The following PGM3 variants were observed in gnomAD, a reference collection of about 807,000 sequenced individuals.
PGM3 encodes phosphoglucomutase 3, also known as phosphoacetylglucosamine mutase.
PGM3 carries 40 observed loss-of-function variants against 66.2 expected under a neutral mutation model. The ratio of observed to expected loss-of-function variants is 0.60; its 90% confidence interval spans 0.47 to 0.79. The LOEUF is 0.79. Ranked by LOEUF, PGM3 falls within the 30% of genes least tolerant of loss-of-function variation. The pLI, the probability that PGM3 is intolerant of heterozygous loss-of-function variation, is 0.00. For missense variants in PGM3, 537 were observed against 643.4 expected, an observed-to-expected ratio of 0.83 and a Z score of 1.79; for synonymous variants, 191 against 224.2, an observed-to-expected ratio of 0.85 and a Z score of 1.32.
In PGM3 at chr6:83,168,590, T is replaced by A; in HGVS notation, c.*644A>T. ...CCATCAGAGGCTGGGAAACGTATTA[T>A]AATTAGTTTTTCTCCCACATACCTT... On this transcript the variant is annotated 3_prime_UTR_variant, in exon 13 of 13. Transcript: ENST00000513973. The A allele has an allele frequency of 1.0e-6, 1 of 998,004 alleles. No individual in the cohort carries two copies. The highest frequency in any genetic ancestry group is 1.2e-6 in the Non-Finnish European group (1 of 837,874). 61.8% of individuals were successfully genotyped at this position (998,004 alleles called of 1,614,324 possible).
At chr6:83,173,157 C>T (rs1787428922) in intron 10 of PGM3, among the ~76,000 whole-genome samples, 1 of 152,158 alleles carries the variant, frequency 6.6e-6, no homozygotes, top group African/African-American at 2.4e-5. Flanking sequence ...CTTCTAGTCC[C>T]ATGCATTTTG....
intron 4 of PGM3, 49 bp downstream of exon 4, chr6:83,186,959 A>G (rs773435536): frequency 4.9e-6 from 5 of 1,030,124 alleles, no homozygotes; most frequent in Admixed American, 4.6e-5. Flanking sequence ...TTTGTAAATT[A>G]AAGTTTTTTA....
At chr6:83,160,212 AGTCCAGGG>A (rs1478399273), downstream of PGM3, among the ~76,000 whole-genome samples, 2 of 152,312 alleles carry the variant, frequency 1.3e-5, no homozygotes, top group East Asian at 3.9e-4. Context: ...ACATGCTTCA[AGTCCAGGG>A]AAGGAGACAT....
rs1406006612 is a variant in PGM3 at position 83,167,077 on chromosome 6, C to A, written c.*2157G>T. On this transcript the variant is annotated 3_prime_UTR_variant, in exon 13 of 13. Coordinates refer to ENST00000513973, the MANE Select transcript of PGM3 (RefSeq NM_015599.3). ...GCTTCTCAAACTAGCCTCTTAATAC[C>A]CAAATTATTAGTCTTTATATTTAGT... The A allele has an allele frequency of 1.0e-6, 1 of 984,104 alleles. No individual in the cohort carries two copies. Among genetic ancestry groups the A allele is most frequent in the African/African-American group, 1.7e-5 (1 of 57,292 alleles). 61.0% of individuals were successfully genotyped at this position (984,104 alleles called of 1,614,324 possible). A position where few individuals can be genotyped will look rare whatever the true frequency, so the allele number is the denominator to read the frequency against.
rs1787957510 is a variant in PGM3, at chr6:83,178,731, A to C, written c.971T>G (p.Val324Gly). The C allele has an allele frequency of 6.3e-7, 1 of 1,593,790 alleles. No homozygotes were observed. The highest frequency in any genetic ancestry group is 8.6e-7 in the Non-Finnish European group (1 of 1,161,638). ...TCCATTTGCATATGCAGTTTGTACA[A>C]CACCAATATTCAAACTTTCTCCAAT... ...VEIGESLNIG[V>G]VQTAYANGSS... Residue 324 changes from valine (V) to glycine (G), a missense_variant, in exon 8 of 13, where the codon GTT (valine) becomes GGT (glycine). Physicochemically the swap from Val to Gly is moderately radical, Grantham distance 109. Coordinates refer to ENST00000513973, the MANE Select transcript of PGM3 (RefSeq NM_015599.3).
At chr6:83,158,889 GT>G (rs754998695), downstream of PGM3, among the ~76,000 whole-genome samples, 5 of 152,144 alleles carry the variant, frequency 3.3e-5, no homozygotes, top group Non-Finnish European at 5.9e-5. Context: ...AGCTAGGCTG[GT>G]TTTGGTAAGT....
chr6:83,187,227 G>T, intron 3 of PGM3, 152 bp from the exon 4 acceptor site: 1 of 504,184 alleles, frequency 2.0e-6, no homozygotes. Flanking sequence ...CAAGATAACT[G>T]GTAAATTATA....
rs149209818 is a variant in PGM3 at position 83,186,826 on chromosome 6, G to A, written c.457+182C>T. The stretch of plus-strand genomic sequence containing the variant: ...TACTACCATAGGTAAGACAAAACAT[G>A]CCTGCCCAGAAACGACCTGGAAGAT... On this transcript the variant is annotated intron_variant, in intron 4 of 12. Coordinates refer to ENST00000513973, the MANE Select transcript of PGM3 (RefSeq NM_015599.3). Among the ~76,000 whole-genome samples, 24 of 152,286 alleles carry A rather than the reference G, an allele frequency of 1.6e-4. No individual in the cohort carries two copies. In the South Asian group the frequency reaches 5.0e-3, roughly 32 times the overall value.
At position 83,185,192 on chromosome 6, in the gene PGM3, T is replaced by C. The variant is rs1035288659; in HGVS notation, c.457+1816A>G. 2.0e-5 allele frequency among the ~76,000 whole-genome samples: 3 copies of C among 152,320 alleles called. No homozygotes were observed. The East Asian group carries it at 5.8e-4, about 29-fold the overall frequency. On this transcript the variant is annotated intron_variant, in intron 4 of 12. Coordinates refer to ENST00000513973, the MANE Select transcript of PGM3 (RefSeq NM_015599.3). ...TAAGGGAAGACACCACTCAGACCAATGCTTTACAAACTGCAGGCCACAGCC... is the reference window on the plus strand; with the variant it reads ...TAAGGGAAGACACCACTCAGACCAACGCTTTACAAACTGCAGGCCACAGCC...
Position 83,187,390 on chromosome 6 carries a change from A to T in PGM3, c.390-315T>A, listed in dbSNP as rs139700285. Among the ~76,000 whole-genome samples, 143 of 152,374 alleles carry T rather than the reference A, an allele frequency of 9.4e-4. 1 individual carries two copies. The highest frequency in any genetic ancestry group is 3.2e-3 in the African/African-American group (135 of 41,600). On this transcript the variant is annotated intron_variant, in intron 3 of 12. Coordinates refer to ENST00000513973, the MANE Select transcript of PGM3 (RefSeq NM_015599.3). ...AGCAACATGTCTGAACTCTAAGAACAGTAACAATAAACACTGAATATACAC... is the reference window on the plus strand; with the variant it reads ...AGCAACATGTCTGAACTCTAAGAACTGTAACAATAAACACTGAATATACAC...
downstream of PGM3, chr6:83,157,406 T>A: frequency 7.2e-7 from 1 of 1,393,458 alleles, no homozygotes; most frequent in Admixed American, 1.8e-5. Context: ...TTAACGAATA[T>A]TGGGAGAGAA....
Position 83,166,817 on chromosome 6 carries a change from GA to G in PGM3, c.*2416del, listed in dbSNP as rs777881270. On this transcript the variant is annotated 3_prime_UTR_variant, in exon 13 of 13. Coordinates refer to ENST00000513973, the MANE Select transcript of PGM3 (RefSeq NM_015599.3). ...GATATTAAATTATTAGGTAAACAAT[GA>G]AAGTTTCTGAGCAACATCTGATCTT... The G allele has an allele frequency of 8.0e-5, 81 of 1,015,348 alleles. No homozygotes were observed. Among genetic ancestry groups the G allele is most frequent in the Non-Finnish European group, 9.2e-5 (78 of 850,232 alleles). 62.9% of individuals were successfully genotyped at this position (1,015,348 alleles called of 1,614,324 possible).
At chr6:83,181,952 T>C in intron 5 of PGM3, 21 bp from the exon 6 acceptor site, 1 of 1,520,728 alleles carries the variant, frequency 6.6e-7, no homozygotes, top group South Asian at 1.3e-5. Context: ...AAAAGACACA[T>C]GGAAGAAAAA....
chr6:83,173,068 G>A (rs183361758), intron 10 of PGM3, among the ~76,000 whole-genome samples: 2 of 152,204 alleles, frequency 1.3e-5, no homozygotes, highest in African/African-American at 2.4e-5. Flanking sequence ...TAGTGTTTCC[G>A]ACTTGAGTGC....
downstream of PGM3, chr6:83,160,003 C>T (rs753480983): frequency 2.5e-6 from 4 of 1,596,702 alleles, no homozygotes; most frequent in African/African-American, 4.0e-5. Flanking sequence ...TTTGAAAGTG[C>T]ATTTGCTTTG....
At position 83,166,932 on chromosome 6, in the gene PGM3, T is replaced by C. The variant is rs1785846726; in HGVS notation, c.*2302A>G. ...TCTTCCTTCTGTCTAGTTCATTGCT[T>C]ATTTTCATTCTTTAGTGTGGAATTG... On this transcript the variant is annotated 3_prime_UTR_variant, in exon 13 of 13. Coordinates refer to ENST00000513973, the MANE Select transcript of PGM3 (RefSeq NM_015599.3). The C allele has an allele frequency of 5.1e-6, 5 of 986,940 alleles. No homozygotes were observed. Among genetic ancestry groups the C allele is most frequent in the Middle Eastern group, 5.1e-4 (1 of 1,942 alleles). 61.1% of individuals were successfully genotyped at this position (986,940 alleles called of 1,614,324 possible).
rs1785925698 is a variant in PGM3, at chr6:83,167,141, A to C, written c.*2093T>G. On this transcript the variant is annotated 3_prime_UTR_variant, in exon 13 of 13. Transcript: ENST00000513973. The stretch of plus-strand genomic sequence containing the variant: ...ACATACCTTCTCATTTGACTTCTCT[A>C]CTAAAAGGTAGTTTTAGACTGTCCC... The C allele has an allele frequency of 1.1e-6, 1 of 932,498 alleles. No individual in the cohort carries two copies. The highest frequency in any genetic ancestry group is 1.8e-5 in the African/African-American group (1 of 56,278). 57.8% of individuals were successfully genotyped at this position (932,498 alleles called of 1,614,324 possible).
At chr6:83,174,285 T>C in intron 10 of PGM3, 89 bp downstream of exon 10, 1 of 704,032 alleles carries the variant, frequency 1.4e-6, no homozygotes, top group Non-Finnish European at 2.5e-6. Flanking sequence ...ACGTCTCCAC[T>C]TTAATTTTGT....
intron 11 of PGM3, among the ~76,000 whole-genome samples, chr6:83,171,701 C>T (rs1787182233): frequency 6.6e-6 from 1 of 152,184 alleles, no homozygotes; most frequent in South Asian, 2.1e-4. Context: ...GTTGGCCAGG[C>T]TGGTCTCAAT....
Sources: gnomAD v4.1 joint callset for allele counts (sites outside exome capture counted in the v4.1 genomes callset) on GRCh38, gnomAD v4.1.1 for gene constraint, MANE v1.5 for transcripts, NCBI Gene and HGNC (gene_info 2026-07-23, HGNC 2026-07-21) for gene names.